CDK6: variants seen among roughly 807,000 people sequenced by gnomAD.
The protein encoded by CDK6 is cyclin dependent kinase 6.
Under a neutral mutation model 37.1 loss-of-function variants are expected in CDK6, and 6 were observed. The observed-to-expected ratio is 0.16, with a 90% CI of 0.09 to 0.32. CDK6 has a LOEUF of 0.32. Among genes scored for constraint, CDK6 ranks in the 10% least tolerant of loss-of-function variants. CDK6 has a pLI of 1.00. For synonymous variants in CDK6, 160 were observed against 161.3 expected (o/e 0.99, Z 0.06); for missense variants, 224 against 418.9 (o/e 0.53, Z 4.06).
At position 92,610,096 on chromosome 7, in the gene CDK6, G is replaced by A. The variant is rs983554157; in HGVS notation, c.*5044C>T. On this transcript the variant is annotated 3_prime_UTR_variant, in exon 8 of 8. Transcript: ENST00000424848. ...TGTTTTTCTCTAAAAGTGCCACCTT[G>A]TGGAATATACCGGAATAAAACAAGA... The A allele has an allele frequency of 1.7e-5, 4 of 230,494 alleles. No individual in the cohort carries two copies. Among genetic ancestry groups the A allele is most frequent in the Admixed American group, 5.6e-5 (1 of 17,724 alleles). The allele number at this position is 230,494 out of a possible 1,614,324, so 14.3% of individuals were successfully genotyped here. A position where few individuals can be genotyped will look rare whatever the true frequency, so the allele number is the denominator to read the frequency against.
intron 3 of CDK6, among the ~76,000 whole-genome samples, chr7:92,752,395 C>T (rs902741889): frequency 6.6e-6 from 1 of 152,110 alleles, no homozygotes; most frequent in Non-Finnish European, 1.5e-5. Context: ...AGACAGAACT[C>T]TGAGAGTAAA....
chr7:92,625,843 T>G (rs985622452), intron 5 of CDK6, among the ~76,000 whole-genome samples: 3 of 152,044 alleles, frequency 2.0e-5, no homozygotes, highest in African/African-American at 7.2e-5. Flanking sequence ...TTACAATAAT[T>G]TCATTGTACT....
chr7:92,653,736 T>G (rs944554966), intron 5 of CDK6, among the ~76,000 whole-genome samples: 2 of 152,212 alleles, frequency 1.3e-5, no homozygotes, highest in African/African-American at 4.8e-5. Flanking sequence ...TCTTTAATTA[T>G]GGCTTTTATT....
At chr7:92,789,475 G>A (rs770354369) in intron 2 of CDK6, among the ~76,000 whole-genome samples, 11 of 152,152 alleles carry the variant, frequency 7.2e-5, no homozygotes, top group African/African-American at 1.2e-4. Context: ...GCCACACAAC[G>A]TATGAACATG....
In CDK6 at chr7:92,605,559, TATAG is replaced by T. The variant is rs1460683584; in HGVS notation, c.*9577_*9580del. On this transcript the variant is annotated 3_prime_UTR_variant, in exon 8 of 8. Transcript: ENST00000424848. ...TATTCTCCTCCTCAGATAGGAAGGG[TATAG>T]ATAAACTGGCTATATTTTCATCTGC... is the stretch of plus-strand genomic sequence containing the variant. The T allele has an allele frequency of 7.3e-5, 17 of 233,090 alleles. No individual in the cohort carries two copies. Among genetic ancestry groups the T allele is most frequent in the African/African-American group, 3.7e-4 (17 of 45,340 alleles). The allele number at this position is 233,090 out of a possible 1,614,324, so 14.4% of individuals were successfully genotyped here.
chr7:92,800,648 G>A (rs377479033), intron 2 of CDK6, among the ~76,000 whole-genome samples: 2 of 152,148 alleles, frequency 1.3e-5, no homozygotes, highest in South Asian at 4.2e-4. Flanking sequence ...ATTCAGGGGG[G>A]GCTCAATTAA....
chr7:92,705,465 CT>C (rs1181519230), intron 4 of CDK6, among the ~76,000 whole-genome samples: 1 of 152,082 alleles, frequency 6.6e-6, no homozygotes, highest in Non-Finnish European at 1.5e-5. Flanking sequence ...TCTCAAAGAG[CT>C]TTGAGCAGCA....
intron 4 of CDK6, among the ~76,000 whole-genome samples, chr7:92,706,378 G>A (rs1797966352): frequency 6.6e-6 from 1 of 152,218 alleles, no homozygotes; most frequent in Non-Finnish European, 1.5e-5. Flanking sequence ...TTCCAGCTTG[G>A]ACAAAACAGT....
At chr7:92,670,877 T>A (rs1797057769) in intron 5 of CDK6, among the ~76,000 whole-genome samples, 1 of 152,248 alleles carries the variant, frequency 6.6e-6, no homozygotes, top group Non-Finnish European at 1.5e-5. Flanking sequence ...AATTTCTGTA[T>A]CCTTGGTCTT....
chr7:92,715,262 A>G (rs1031877375), intron 4 of CDK6, among the ~76,000 whole-genome samples: 1 of 151,994 alleles, frequency 6.6e-6, no homozygotes, highest in African/African-American at 2.4e-5. Context: ...TTGTAACTTT[A>G]TATCAGTATC....
At chr7:92,736,661 C>T (rs1480001280) in intron 3 of CDK6, among the ~76,000 whole-genome samples, 1 of 152,146 alleles carries the variant, frequency 6.6e-6, no homozygotes, top group East Asian at 1.9e-4. Context: ...CTAAATGGGA[C>T]CACACTGCAA....
chr7:92,687,853 T>C (rs916566620), intron 4 of CDK6, among the ~76,000 whole-genome samples: 12 of 152,214 alleles, frequency 7.9e-5, no homozygotes, highest in African/African-American at 2.9e-4. Flanking sequence ...AACCATAGAT[T>C]AATGTTGCTG....
chr7:92,615,980 CT>C (rs1366597432), intron 7 of CDK6, among the ~76,000 whole-genome samples: 2 of 152,148 alleles, frequency 1.3e-5, no homozygotes, highest in African/African-American at 4.8e-5. Flanking sequence ...ATTTCCACCC[CT>C]ACCTCAGGTA....
At chr7:92,758,428 A>C (rs1799368851) in intron 3 of CDK6, among the ~76,000 whole-genome samples, 1 of 152,162 alleles carries the variant, frequency 6.6e-6, no homozygotes, top group South Asian at 2.1e-4. Context: ...GGTTTGTGGA[A>C]GGGCAGATGG....
intron 3 of CDK6, among the ~76,000 whole-genome samples, chr7:92,751,601 A>T (rs1799189413): frequency 6.6e-6 from 1 of 152,234 alleles, no homozygotes; most frequent in Non-Finnish European, 1.5e-5. Context: ...TTTTGCAAAT[A>T]AATTAGGCTG....
At position 92,733,849 on chromosome 7, in the gene CDK6, AT is replaced by A. The variant is rs1798709745; in HGVS notation, c.370-8057del. 2.6e-5 allele frequency among the ~76,000 whole-genome samples: 4 copies of A among 152,022 alleles called. No individual in the cohort carries two copies. In the South Asian group the frequency reaches 8.3e-4, roughly 32 times the overall value. ...CACTCTTTATAAAACATTCCTGAAT[AT>A]TTTTTGAAAATAAAAATATGTATTT... On this transcript the variant is annotated intron_variant, in intron 3 of 7. Transcript: ENST00000424848.
chr7:92,672,186 C>CACAG (rs1797096781), intron 4 of CDK6, among the ~76,000 whole-genome samples: 2 of 98,234 alleles, frequency 2.0e-5, no homozygotes, highest in Non-Finnish European at 4.0e-5. Context: ...CACACACAGA[C>CACAG]ACATACACAC....
rs1801536508 is a variant in CDK6, at chr7:92,833,160, G to C, written c.164C>G (p.Pro55Arg). ...CGCCACCTCGCGGATGGTGGAGAGC[G>C]GCATGCCCTCCTCGCCGGTCTGCAC... ...VRVQTGEEGMPLSTIREVAVL... is the reference protein window; with the variant it reads ...VRVQTGEEGMRLSTIREVAVL... Residue 55 changes from proline to arginine, a missense_variant, in exon 2 of 8, where the codon CCG becomes CGG. Pro to Arg is a moderately radical substitution (Grantham distance 103, BLOSUM62 -2). Around this residue, in one of 5 missense-constraint regions of CDK6, gnomAD observed 21 missense variants for 18.4 expected, o/e 1.14. Coordinates refer to ENST00000424848, the MANE Select transcript of CDK6 (RefSeq NM_001145306.2). This position sits in a 1 kb window ranked among gnomAD's most constrained non-coding sequence, Gnocchi z 6.1. The C allele has an allele frequency of 6.2e-7, 1 of 1,609,294 alleles. No individual in the cohort carries two copies. Among genetic ancestry groups the C allele is most frequent in the South Asian group, 1.1e-5 (1 of 90,026 alleles).
intron 4 of CDK6, among the ~76,000 whole-genome samples, chr7:92,695,539 T>A (rs1797697491): frequency 6.6e-6 from 1 of 152,214 alleles, no homozygotes; most frequent in South Asian, 2.1e-4. Flanking sequence ...AAGTTCCATG[T>A]GAAGCCCCGC....
Sources: allele counts gnomAD v4.1 joint callset (sites outside exome capture counted in the v4.1 genomes callset), GRCh38; gene constraint gnomAD v4.1.1; regional missense constraint gnomAD v4.1.1; non-coding constraint Gnocchi (gnomAD v3.1); transcripts MANE v1.5; gene names NCBI Gene and HGNC (gene_info 2026-07-23, HGNC 2026-07-21).